PNPT1: variants seen among roughly 807,000 people sequenced by gnomAD.
PNPT1 encodes the protein polyribonucleotide nucleotidyltransferase 1, mitochondrial.
A neutral mutation model predicts 119.5 loss-of-function variants in PNPT1; 53 were observed. The ratio of observed to expected loss-of-function variants is 0.44; its 90% CI spans 0.36 to 0.56. PNPT1 has a LOEUF of 0.56. Among genes scored for constraint, PNPT1 ranks in the 20% least tolerant of loss-of-function variants. The pLI, the probability that PNPT1 is intolerant of heterozygous loss-of-function variation, is 0.00. For synonymous variants in PNPT1, 357 were observed against 322.1 expected (o/e 1.11, Z -1.16); for missense variants, 948 against 938.5 (o/e 1.01, Z -0.13).
At position 55,693,732 on chromosome 2, in the gene PNPT1, G is replaced by A. The variant is rs768834953; in HGVS notation, c.92C>T (p.Thr31Ile). The change falls in exon 1 of 28, where the codon ACC becomes ATC. Residue 31 changes from threonine to isoleucine, a missense_variant. Coordinates refer to ENST00000447944, the MANE Select transcript of PNPT1 (RefSeq NM_033109.5). Reference sequence around the variant, plus strand: ...CCATAGTGCTCGCACTTGCAACTGGGTGAGTGCCCGATCCCGCCGTGGCAG... The same window carrying A: ...CCATAGTGCTCGCACTTGCAACTGGATGAGTGCCCGATCCCGCCGTGGCAG... ...FLLPRRDRAL[T>I]QLQVRALWSS... 1 of 1,614,184 alleles carries A rather than the reference G, an allele frequency of 6.2e-7. No individual in the cohort carries two copies. The highest frequency in any genetic ancestry group is 8.5e-7 in the Non-Finnish European group (1 of 1,180,042).
chr2:55,682,489 T>C (rs951293519), intron 5 of PNPT1, among the ~76,000 whole-genome samples: 61 of 151,938 alleles, frequency 4.0e-4, no homozygotes, highest in Admixed American at 3.8e-3. Context: ...TTTATAAGCA[T>C]AGATGAAACA....
chr2:55,684,428 C>A (rs1697335760), intron 4 of PNPT1, among the ~76,000 whole-genome samples: 1 of 152,178 alleles, frequency 6.6e-6, no homozygotes, highest in African/African-American at 2.4e-5. Context: ...CGTGCCACTG[C>A]ACTCCAGCCT....
chr2:55,677,676 C>G (rs1439138336), intron 8 of PNPT1, among the ~76,000 whole-genome samples: 1 of 145,834 alleles, frequency 6.9e-6, no homozygotes, highest in African/African-American at 2.5e-5. Context: ...GGTTCAAACT[C>G]TAAGGTAGAT....
chr2:55,693,797 C>G lies in PNPT1; in HGVS notation c.27G>C (p.Ser9=), dbSNP rs373635476. The part of the protein sequence containing the change: MAACRYCC[S]CLRLRPLSDG... ...CGCTCAGGGGCCGGAGCCGGAGGCA[C>G]GAGCAGCAGTACCTGCAGGCCGCCA... The change falls in exon 1 of 28, where the codon TCG becomes TCC. Residue 9 remains serine (S), a synonymous_variant. Transcript: ENST00000447944. 2 of 1,613,954 alleles carry G rather than the reference C, an allele frequency of 1.2e-6. No homozygotes were observed. The highest frequency in any genetic ancestry group is 1.7e-6 in the Non-Finnish European group (2 of 1,180,036).
intron 8 of PNPT1, among the ~76,000 whole-genome samples, chr2:55,674,557 C>T (rs1000574983): frequency 6.6e-6 from 1 of 152,118 alleles, no homozygotes; most frequent in South Asian, 2.1e-4. Context: ...CACGCCACTG[C>T]ACTCTAGCCT....
chr2:55,691,872 ATATATATTTT>A (rs1697620330), intron 1 of PNPT1, among the ~76,000 whole-genome samples: 1 of 11,564 alleles, frequency 8.6e-5, no homozygotes, highest in African/African-American at 1.8e-4. Flanking sequence ...ATATATATAT[ATATATATTTT>A]TTTTTTTTTT....
At chr2:55,646,869 T>G (rs1214588318) in intron 19 of PNPT1, among the ~76,000 whole-genome samples, 4 of 152,168 alleles carry the variant, frequency 2.6e-5, no homozygotes, top group Non-Finnish European at 5.9e-5. Context: ...GACACAGTCT[T>G]GCTCTGTTGC....
chr2:55,680,833 TA>T, intron 6 of PNPT1, 21 bp downstream of exon 6: 1 of 1,612,770 alleles, frequency 6.2e-7, no homozygotes, highest in Non-Finnish European at 8.5e-7. Flanking sequence ...CTGATAATTT[TA>T]ATCTCTACTT....
At chr2:55,640,441 C>G (rs1271290254) in intron 26 of PNPT1, among the ~76,000 whole-genome samples, 186 bp downstream of exon 26, 1 of 152,210 alleles carries the variant, frequency 6.6e-6, no homozygotes, top group Non-Finnish European at 1.5e-5. Flanking sequence ...CATGAGCCAC[C>G]CTGCCCAGCC....
At chr2:55,689,213 G>A (rs1314097664) in intron 1 of PNPT1, among the ~76,000 whole-genome samples, 1 of 152,118 alleles carries the variant, frequency 6.6e-6, no homozygotes, top group Non-Finnish European at 1.5e-5. Context: ...TTAATATCTA[G>A]AATATTTAAA....
At chr2:55,636,507 C>T in intron 27 of PNPT1, 115 bp from the exon 28 acceptor site, 1 of 1,112,916 alleles carries the variant, frequency 9.0e-7, no homozygotes, top group Non-Finnish European at 1.3e-6. Context: ...TTTACTTGTT[C>T]ACTGAAAGCA....
intron 1 of PNPT1, 31 bp downstream of exon 1, chr2:55,693,632 G>A (rs780846113): frequency 4.3e-6 from 7 of 1,612,864 alleles, no homozygotes; most frequent in Non-Finnish European, 5.9e-6. Flanking sequence ...GACACCTTAT[G>A]ACAATACAGT....
In PNPT1 at chr2:55,640,745, G is replaced by T. The variant is rs746712370; in HGVS notation, c.2070-40C>A. 3 of 1,288,692 alleles carry T rather than the reference G, an allele frequency of 2.3e-6. No individual in the cohort carries two copies. The South Asian group carries it at 3.6e-5, about 16-fold the overall frequency. 79.8% of individuals were successfully genotyped at this position (1,288,692 alleles called of 1,614,324 possible). On this transcript the variant is annotated intron_variant, in intron 25 of 27. Transcript: ENST00000447944. The stretch of plus-strand genomic sequence containing the variant: ...ATAGTAAGCCTGGTTAAAATAATAA[G>T]TATCTGTATATCCATTGACAAATAA...
intron 8 of PNPT1, among the ~76,000 whole-genome samples, chr2:55,677,887 C>G (rs891409476): frequency 6.6e-6 from 1 of 151,850 alleles, no homozygotes; most frequent in Non-Finnish European, 1.5e-5. Context: ...TACAGGCGCC[C>G]GCCAACACGC....
chr2:55,682,233 G>A (rs767173459), intron 5 of PNPT1, among the ~76,000 whole-genome samples: 37 of 152,032 alleles, frequency 2.4e-4, no homozygotes, highest in Non-Finnish European at 3.5e-4. Context: ...CTGAGGCAGC[G>A]GATCACTTGA....
chr2:55,687,483 T>C (rs1279849294), intron 2 of PNPT1, among the ~76,000 whole-genome samples, 162 bp downstream of exon 2: 1 of 152,112 alleles, frequency 6.6e-6, no homozygotes, highest in African/African-American at 2.4e-5. Flanking sequence ...CTCTGGACTC[T>C]GGTTGTCTGG....
rs777689377 is a variant in PNPT1, at chr2:55,645,449, C to A, written c.1739-17G>T. ...TTTTTGCCACTAGAAGAGAAAAACA[C>A]AAAAATTATAACTACATAAAACAAA... On this transcript the variant is annotated splice_polypyrimidine_tract_variant and intron_variant, in intron 21 of 27. Coordinates refer to ENST00000447944, the MANE Select transcript of PNPT1 (RefSeq NM_033109.5). The A allele has an allele frequency of 2.6e-6, 4 of 1,519,994 alleles. No homozygotes were observed. In the Admixed American group the frequency reaches 5.1e-5, roughly 19 times the overall value. The allele number at this position is 1,519,994 out of a possible 1,614,324, so 94.2% of individuals were successfully genotyped here.
chr2:55,638,733 T>C (rs1297590650), intron 26 of PNPT1, among the ~76,000 whole-genome samples: 3 of 152,142 alleles, frequency 2.0e-5, no homozygotes, highest in Non-Finnish European at 4.4e-5. Context: ...GTGTACGGCA[T>C]TTATAAAAAT....
intron 3 of PNPT1, 40 bp from the exon 4 acceptor site, chr2:55,685,088 G>A: frequency 1.3e-6 from 2 of 1,484,716 alleles, no homozygotes; most frequent in Non-Finnish European, 1.8e-6. Flanking sequence ...AATTCTTTTT[G>A]CAGAAACAAA....
Sources: gnomAD v4.1 joint callset for allele counts (sites outside exome capture counted in the v4.1 genomes callset) on GRCh38, gnomAD v4.1.1 for gene constraint, MANE v1.5 for transcripts, NCBI Gene and HGNC (gene_info 2026-07-23, HGNC 2026-07-21) for gene names.